FANCB: variants seen among roughly 807,000 people sequenced by gnomAD.
FANCB encodes FA complementation group B, also known as Fanconi anemia group B protein.
FANCB carries 5 observed loss-of-function variants against 38.9 expected under a neutral mutation model. The observed-to-expected ratio is 0.13, with a 90% CI of 0.07 to 0.27. The LOEUF (loss-of-function observed/expected upper bound fraction) is 0.27. Ranked by LOEUF, FANCB falls within the 10% of genes least tolerant of loss-of-function variation. The pLI is 1.00. For synonymous variants in FANCB, 236 were observed against 215.4 expected (o/e 1.10, Z -0.84); for missense variants, 573 against 602.7 (o/e 0.95, Z 0.52).
the FANCB span, among the ~76,000 whole-genome samples, chrX:14,696,489 C>T: frequency 1.3e-4 from 14 of 111,470 alleles, no homozygotes; most frequent in African/African-American, 4.2e-4. Flanking sequence ...ATTGGAAGGC[C>T]GAGGATGGGG....
At chrX:14,866,064 T>C (rs755153878) in intron 2 of FANCB, among the ~76,000 whole-genome samples, 4 of 111,855 alleles carry the variant, frequency 3.6e-5, no homozygotes, top group Non-Finnish European at 5.7e-5. Context: ...GCCCAGGCAA[T>C]TGGGCTTCTG....
the FANCB span, among the ~76,000 whole-genome samples, chrX:14,826,260 GCTAA>G: frequency 6.3e-5 from 7 of 111,809 alleles, no homozygotes; most frequent in African/African-American, 1.9e-4. Flanking sequence ...CCATACAGCT[GCTAA>G]AAGGTTGCTG....
At chrX:14,763,940 C>T in the FANCB span, among the ~76,000 whole-genome samples, 1 of 111,466 alleles carries the variant, frequency 9.0e-6, no homozygotes, top group South Asian at 3.7e-4. Flanking sequence ...TAATAGGGGG[C>T]ATGCGAAGGG....
chrX:14,791,662 C>T, the FANCB span, among the ~76,000 whole-genome samples: 1 of 111,987 alleles, frequency 8.9e-6, no homozygotes, highest in East Asian at 2.8e-4. Flanking sequence ...TGCTACAGAG[C>T]TCATAGACTG....
chrX:14,833,119 T>C (rs1451722400), downstream of FANCB, among the ~76,000 whole-genome samples: 1 of 112,328 alleles, frequency 8.9e-6, no homozygotes, highest in African/African-American at 3.2e-5. Context: ...AAGAAAAAGA[T>C]TAAGTTCATG....
chrX:14,800,760 C>T, the FANCB span, among the ~76,000 whole-genome samples: 1 of 111,861 alleles, frequency 8.9e-6, no homozygotes, highest in African/African-American at 3.2e-5. Flanking sequence ...TCATTTAAAA[C>T]ATGGCTTAAG....
downstream of FANCB, among the ~76,000 whole-genome samples, chrX:14,833,616 G>A (rs79696086): frequency 2.4e-4 from 26 of 110,143 alleles, no homozygotes; most frequent in East Asian, 7.4e-3. Context: ...CAAGCTGATT[G>A]TACAGCAGTG....
At chrX:14,800,897 T>C in the FANCB span, among the ~76,000 whole-genome samples, 2 of 111,829 alleles carry the variant, frequency 1.8e-5, no homozygotes, top group African/African-American at 3.2e-5. Flanking sequence ...TCCAATGAAA[T>C]AAGCAACAGT....
chrX:14,849,065 C>T (rs1180192683), intron 7 of FANCB, among the ~76,000 whole-genome samples: 1 of 111,288 alleles, frequency 9.0e-6, no homozygotes, highest in African/African-American at 3.3e-5. Flanking sequence ...CTCCAGAGAA[C>T]AGGAAAAAAG....
intron 9 of FANCB, among the ~76,000 whole-genome samples, 184 bp from the exon 10 acceptor site, chrX:14,844,165 G>T (rs1000153164): frequency 9.1e-6 from 1 of 110,334 alleles, no homozygotes; most frequent in African/African-American, 3.3e-5. Flanking sequence ...ATTCCATATC[G>T]AATCAGTTAA....
the FANCB span, among the ~76,000 whole-genome samples, chrX:14,776,855 C>T: frequency 8.9e-6 from 1 of 112,378 alleles, no homozygotes; most frequent in African/African-American, 3.2e-5. Context: ...ATGGAACTCA[C>T]TAATGCAAGA....
chrX:14,824,113 T>C, the FANCB span, among the ~76,000 whole-genome samples: 1 of 111,817 alleles, frequency 8.9e-6, no homozygotes, highest in African/African-American at 3.2e-5. Context: ...AAAACCTTCA[T>C]TTAATCCAAA....
At chrX:14,739,009 C>T in the FANCB span, among the ~76,000 whole-genome samples, 1 of 111,959 alleles carries the variant, frequency 8.9e-6, no homozygotes, top group Non-Finnish European at 1.9e-5. Flanking sequence ...AGGGTTTATG[C>T]ATTTCCTACT....
the FANCB span, among the ~76,000 whole-genome samples, chrX:14,823,415 C>T: frequency 9.0e-6 from 1 of 111,723 alleles, no homozygotes; most frequent in African/African-American, 3.3e-5. Flanking sequence ...GTATCTTACT[C>T]TTTAAAATAT....
chrX:14,690,751 C>A, the FANCB span: 2 of 1,206,389 alleles, frequency 1.7e-6, no homozygotes, highest in Non-Finnish European at 2.2e-6. Context: ...TGGCGGTGTG[C>A]CTTCTGTTTG....
chrX:14,871,308 G>T (rs1363940739), intron 1 of FANCB, among the ~76,000 whole-genome samples: 1 of 111,573 alleles, frequency 9.0e-6, no homozygotes, highest in Non-Finnish European at 1.9e-5. Context: ...AGTGTTAAAG[G>T]TGTGAGTGAG....
the FANCB span, among the ~76,000 whole-genome samples, chrX:14,697,865 A>G: frequency 1.8e-5 from 2 of 112,261 alleles, no homozygotes; most frequent in African/African-American, 6.5e-5. Context: ...TCATTTTTGT[A>G]TGATATAAAT....
the FANCB span, among the ~76,000 whole-genome samples, chrX:14,798,522 C>A: frequency 8.9e-6 from 1 of 111,762 alleles, no homozygotes; most frequent in Non-Finnish European, 1.9e-5. Context: ...AGGTATGATA[C>A]CCAAAAGGAG....
chrX:14,844,363 G>T, intron 9 of FANCB, 140 bp downstream of exon 9: 1 of 511,619 alleles, frequency 2.0e-6, no homozygotes, highest in Non-Finnish European at 3.4e-6. Context: ...AAGCCGATGC[G>T]TTCATTCATG....
Sources: allele counts gnomAD v4.1 joint callset (sites outside exome capture counted in the v4.1 genomes callset), GRCh38; gene constraint gnomAD v4.1.1; transcripts MANE v1.5; gene names NCBI Gene and HGNC (gene_info 2026-07-23, HGNC 2026-07-21).